CREB5: variants seen among roughly 807,000 people sequenced by gnomAD.
CREB5 encodes the protein cyclic AMP-responsive element-binding protein 5.
In CREB5, 19 loss-of-function variants were observed where a neutral mutation model predicts 57.1. That is an observed-to-expected ratio of 0.33 (90% CI 0.23 to 0.49). The LOEUF is 0.49. Among genes scored for constraint, CREB5 ranks in the 20% least tolerant of loss-of-function variants. CREB5 has a pLI of 0.99. For synonymous variants in CREB5, 238 were observed against 238.3 expected, an observed-to-expected ratio of 1.00 and a Z score of 0.01; for missense variants, 579 against 671.6, an observed-to-expected ratio of 0.86 and a Z score of 1.52.
At chr7:28,660,980 G>A (rs1799589025) in intron 5 of CREB5, among the ~76,000 whole-genome samples, 1 of 148,154 alleles carries the variant, frequency 6.7e-6, no homozygotes, top group Admixed American at 6.8e-5. Context: ...CATCAGTGCT[G>A]TTTTCTCTAT....
chr7:28,587,497 A>C (rs947003192), intron 5 of CREB5, among the ~76,000 whole-genome samples: 2 of 141,800 alleles, frequency 1.4e-5, no homozygotes, highest in African/African-American at 5.1e-5. Context: ...ATTCTTCGGG[A>C]GTTAAAAAAA....
intron 4 of CREB5, among the ~76,000 whole-genome samples, chr7:28,557,481 G>GT (rs1393844055): frequency 6.6e-5 from 10 of 151,162 alleles, no homozygotes; most frequent in African/African-American, 2.5e-4. Flanking sequence ...TTCTGTGTGT[G>GT]TGTTTTTTTT....
intron 1 of CREB5, among the ~76,000 whole-genome samples, chr7:28,357,544 C>T (rs1377255372): frequency 6.6e-6 from 1 of 151,918 alleles, no homozygotes; most frequent in East Asian, 1.9e-4. Flanking sequence ...TTTCGTGGGT[C>T]TTTTTTCACT....
chr7:28,785,934 G>A (rs1484420199), intron 7 of CREB5, among the ~76,000 whole-genome samples: 1 of 152,186 alleles, frequency 6.6e-6, no homozygotes, highest in Non-Finnish European at 1.5e-5. Flanking sequence ...AAACCTCTGA[G>A]CAGACTTCTA....
intron 1 of CREB5, among the ~76,000 whole-genome samples, chr7:28,460,010 C>T (rs1388195015): frequency 1.3e-5 from 2 of 152,202 alleles, no homozygotes; most frequent in Admixed American, 6.5e-5. Flanking sequence ...CCTGCGATTG[C>T]ATCTTCTGTT....
chr7:28,520,371 T>A (rs1037205152), intron 4 of CREB5, among the ~76,000 whole-genome samples: 1 of 152,230 alleles, frequency 6.6e-6, no homozygotes, highest in Non-Finnish European at 1.5e-5. Context: ...TATTAGCCAG[T>A]TGGGGCATGA....
At chr7:28,654,255 C>T (rs910450853) in intron 5 of CREB5, among the ~76,000 whole-genome samples, 1 of 152,208 alleles carries the variant, frequency 6.6e-6, no homozygotes, top group Admixed American at 6.5e-5. Flanking sequence ...CTCGCTCCCC[C>T]TCTTCTAGTT....
chr7:28,340,209 T>C lies in CREB5; in HGVS notation c.-25+40768T>C, dbSNP rs748364607. On this transcript the variant is annotated intron_variant, in intron 1 of 9. Transcript: ENST00000396299. Reference sequence around the variant, plus strand: ...CCCTGCTTTTCTCAAGCAGAAGGAATCTCTCCTCATAGCCACCACAGTTAG... The same window carrying C: ...CCCTGCTTTTCTCAAGCAGAAGGAACCTCTCCTCATAGCCACCACAGTTAG... Among the ~76,000 whole-genome samples, 6 of 152,114 alleles carry C rather than the reference T, an allele frequency of 3.9e-5. 1 individual carries two copies. Among genetic ancestry groups the C allele is most frequent in the Non-Finnish European group, 5.9e-5 (4 of 68,018 alleles).
intron 4 of CREB5, among the ~76,000 whole-genome samples, chr7:28,552,248 G>A (rs1794703313): frequency 6.6e-6 from 1 of 152,180 alleles, no homozygotes; most frequent in South Asian, 2.1e-4. Flanking sequence ...ATGTTGCCCA[G>A]GCAGGTCTTT....
At chr7:28,380,779 C>A (rs114621929) in intron 1 of CREB5, among the ~76,000 whole-genome samples, 19 of 152,214 alleles carry the variant, frequency 1.2e-4, no homozygotes, top group Non-Finnish European at 2.4e-4. Flanking sequence ...CAATGGCCCA[C>A]ATAATTTTTT....
At chr7:28,375,833 G>C (rs1285349159) in intron 1 of CREB5, among the ~76,000 whole-genome samples, 1 of 151,958 alleles carries the variant, frequency 6.6e-6, no homozygotes, top group African/African-American at 2.4e-5. Flanking sequence ...TGTTTAATCT[G>C]TAATAAGTGT....
At chr7:28,418,791 G>T (rs1788118274) in intron 1 of CREB5, among the ~76,000 whole-genome samples, 1 of 152,172 alleles carries the variant, frequency 6.6e-6, no homozygotes. Context: ...TAGATGGGTG[G>T]TCGGTATGAG....
At chr7:28,466,830 A>G (rs1188112104) in intron 1 of CREB5, among the ~76,000 whole-genome samples, 2 of 152,228 alleles carry the variant, frequency 1.3e-5, no homozygotes, top group Non-Finnish European at 2.9e-5. Flanking sequence ...TAGTGCTCAT[A>G]TGGTTCTGGG....
At chr7:28,535,653 A>G (rs1383642409) in intron 4 of CREB5, among the ~76,000 whole-genome samples, 2 of 152,078 alleles carry the variant, frequency 1.3e-5, no homozygotes, top group African/African-American at 4.8e-5. Context: ...AAGGGAAGGA[A>G]GGAAGAGAAA....
At chr7:28,330,791 A>G (rs1240302576) in intron 1 of CREB5, among the ~76,000 whole-genome samples, 3 of 152,232 alleles carry the variant, frequency 2.0e-5, no homozygotes, top group Admixed American at 6.5e-5. Flanking sequence ...TCAAATTTGC[A>G]GTAATTGGAC....
intron 5 of CREB5, among the ~76,000 whole-genome samples, chr7:28,631,511 T>G (rs183144908): frequency 6.6e-6 from 1 of 152,188 alleles, no homozygotes; most frequent in South Asian, 2.1e-4. Flanking sequence ...GGCAAAGATT[T>G]GAGTACACAC....
intron 4 of CREB5, among the ~76,000 whole-genome samples, chr7:28,512,654 T>G (rs1184271977): frequency 3.9e-5 from 5 of 129,858 alleles, no homozygotes; most frequent in Non-Finnish European, 7.3e-5. Context: ...TAACTGTGTG[T>G]GTGTGTGTGT....
intron 1 of CREB5, among the ~76,000 whole-genome samples, chr7:28,361,179 T>C (rs1306783817): frequency 6.6e-6 from 1 of 152,172 alleles, no homozygotes; most frequent in East Asian, 1.9e-4. Context: ...TGCACGGAGG[T>C]TGAATAAAGC....
chr7:28,537,034 G>C (rs904696405), intron 4 of CREB5, among the ~76,000 whole-genome samples: 2 of 152,192 alleles, frequency 1.3e-5, no homozygotes, highest in African/African-American at 4.8e-5. Context: ...GAAGCTTAAT[G>C]CTTACAGTCC....
Sources: gnomAD v4.1 joint callset for allele counts (sites outside exome capture counted in the v4.1 genomes callset) on GRCh38, gnomAD v4.1.1 for gene constraint, MANE v1.5 for transcripts, NCBI Gene and HGNC (gene_info 2026-07-23, HGNC 2026-07-21) for gene names.